Variants in PLCE1 observed in about 807,000 individuals in gnomAD.
PLCE1 encodes 1-phosphatidylinositol 4,5-bisphosphate phosphodiesterase epsilon-1.
Under a neutral mutation model 242.8 loss-of-function variants are expected in PLCE1, and 119 were observed. The ratio of observed to expected loss-of-function variants is 0.49; its 90% CI spans 0.42 to 0.57. The LOEUF (loss-of-function observed/expected upper bound fraction) is 0.57. Ranked by LOEUF, PLCE1 falls within the 20% of genes least tolerant of loss-of-function variation. The pLI, the probability that PLCE1 is intolerant of heterozygous loss-of-function variation, is 0.00. For missense variants in PLCE1, 2,441 were observed against 2,788.8 expected (o/e 0.88, Z 2.81); for synonymous variants, 945 against 1,017.4 (o/e 0.93, Z 1.35).
At chr10:94,199,402 T>C (rs1489498629) in intron 4 of PLCE1, among the ~76,000 whole-genome samples, 1 of 152,204 alleles carries the variant, frequency 6.6e-6, no homozygotes, top group Non-Finnish European at 1.5e-5. Context: ...CAGAAGTCCC[T>C]ACCCTACCAC....
intron 3 of PLCE1, among the ~76,000 whole-genome samples, chr10:94,157,815 G>A (rs1162614820): frequency 3.3e-5 from 5 of 152,174 alleles, no homozygotes; most frequent in Non-Finnish European, 7.3e-5. Flanking sequence ...GAAAACCTTC[G>A]AGTCAGTGTA....
intron 5 of PLCE1, among the ~76,000 whole-genome samples, chr10:94,228,088 G>A (rs2050010145): frequency 6.6e-6 from 1 of 152,258 alleles, no homozygotes; most frequent in African/African-American, 2.4e-5. Flanking sequence ...TGGGAATACA[G>A]GCAACCTTGG....
At chr10:94,262,771 C>T in intron 14 of PLCE1, 39 bp downstream of exon 14, 2 of 1,256,502 alleles carry the variant, frequency 1.6e-6, no homozygotes. Context: ...TGTGTGATGC[C>T]TCTGGCTATT....
At chr10:94,046,223 T>C (rs534125710) in intron 2 of PLCE1, among the ~76,000 whole-genome samples, 1 of 152,356 alleles carries the variant, frequency 6.6e-6, no homozygotes. Flanking sequence ...GGTAGTTCTC[T>C]CTGGTTAATG....
intron 3 of PLCE1, among the ~76,000 whole-genome samples, chr10:94,136,028 C>T (rs2046761495): frequency 6.6e-6 from 1 of 151,886 alleles, no homozygotes; most frequent in African/African-American, 2.4e-5. Context: ...AATTTTTCCC[C>T]AGAGATAAAG....
At chr10:94,141,380 C>T (rs898892520) in intron 3 of PLCE1, among the ~76,000 whole-genome samples, 2 of 152,088 alleles carry the variant, frequency 1.3e-5, no homozygotes, top group African/African-American at 4.8e-5. Flanking sequence ...CCTAATTTTG[C>T]TCCAAGAAAC....
intron 7 of PLCE1, among the ~76,000 whole-genome samples, chr10:94,242,517 G>A (rs906838498): frequency 1.3e-5 from 2 of 152,034 alleles, no homozygotes; most frequent in Admixed American, 6.6e-5. Flanking sequence ...TACCATGTTC[G>A]CCAGGCTGGT....
chr10:94,179,716 G>T (rs1164279477), intron 4 of PLCE1, among the ~76,000 whole-genome samples: 3 of 151,456 alleles, frequency 2.0e-5, no homozygotes, highest in African/African-American at 7.3e-5. Context: ...GTGTTGTCCA[G>T]GCTGGCCTCA....
rs1858607 is a variant in PLCE1 at position 94,179,937 on chromosome 10, A to C, written c.1809+8441A>C. 6.4e-3 allele frequency among the ~76,000 whole-genome samples: 753 copies of C among 117,050 alleles called. 11 individuals are homozygous for C. Among genetic ancestry groups the C allele is most frequent in the African/African-American group, 0.028 (651 of 22,984 alleles). The allele number at this position is 117,050 out of a possible 152,430, so 76.8% of individuals were successfully genotyped here. The stretch of plus-strand genomic sequence containing the variant: ...CAGTAGTGGTTTGATGTTAGTTCCC[A>C]AAAAAAAAAAAAACCACTAACATAA... On this transcript the variant is annotated intron_variant, in intron 4 of 32. Transcript: ENST00000371380.
chr10:94,220,326 T>C (rs564803194), intron 4 of PLCE1, among the ~76,000 whole-genome samples: 1 of 140,084 alleles, frequency 7.1e-6, no homozygotes, highest in Non-Finnish European at 1.5e-5. Context: ...CTGGGCAACA[T>C]AGAGAGACTC....
At position 94,255,015 on chromosome 10, in the gene PLCE1, C is replaced by G. The variant is rs1387669948; in HGVS notation, c.3520C>G (p.Pro1174Ala). ...ATCTCCCATCAGGCCAGTGTCCTCC[C>G]CTGTGCTGTCTTCTTCAAACAAGAG... ...TSSPIRPVSS[P>A]VLSSSNKSPS... is the part of the protein sequence containing the mutation. The change falls in exon 11 of 33, where the codon CCT (proline) becomes GCT (alanine). Residue 1174 changes from proline (P) to alanine (A), a missense_variant. Pro to Ala is a conservative substitution (Grantham distance 27). This residue lies in a region of PLCE1 where 1,004 missense variants were observed against 1,322.7 expected (regional missense o/e 0.76). Transcript: ENST00000371380. 6.2e-7 allele frequency: 1 copy of G among 1,614,154 alleles called. No homozygotes were observed. The highest frequency in any genetic ancestry group is 2.2e-5 in the East Asian group (1 of 44,874).
chr10:94,199,288 C>T (rs1327970462), intron 4 of PLCE1, among the ~76,000 whole-genome samples: 1 of 152,172 alleles, frequency 6.6e-6, no homozygotes, highest in African/African-American at 2.4e-5. Flanking sequence ...TGCGAAGTGG[C>T]TGTATCATTT....
At chr10:94,188,639 CTTG>C (rs1465008906) in intron 4 of PLCE1, among the ~76,000 whole-genome samples, 3 of 152,172 alleles carry the variant, frequency 2.0e-5, no homozygotes, top group African/African-American at 7.2e-5. Flanking sequence ...GAGCTTCGCT[CTTG>C]TTGTCCAGGC....
chr10:94,281,091 C>A (rs2052196568), intron 20 of PLCE1, among the ~76,000 whole-genome samples: 1 of 152,194 alleles, frequency 6.6e-6, no homozygotes. Flanking sequence ...AAGACAATTT[C>A]TCTGCAAAGT....
At chr10:94,233,007 A>G (rs2050196079) in intron 5 of PLCE1, among the ~76,000 whole-genome samples, 2 of 152,140 alleles carry the variant, frequency 1.3e-5, no homozygotes, top group African/African-American at 4.8e-5. Context: ...CAGAAAGGTG[A>G]GCTCTCCCAC....
chr10:94,049,750 G>A (rs1589918242), intron 2 of PLCE1, among the ~76,000 whole-genome samples: 1 of 152,236 alleles, frequency 6.6e-6, no homozygotes, highest in East Asian at 1.9e-4. Context: ...TAGCACCCCA[G>A]AAGCCTTTGT....
intron 29 of PLCE1, among the ~76,000 whole-genome samples, chr10:94,319,241 G>A (rs1271972487): frequency 6.6e-6 from 1 of 152,106 alleles, no homozygotes; most frequent in African/African-American, 2.4e-5. Context: ...TGAAATGACT[G>A]AAATATATCT....
intron 1 of PLCE1, among the ~76,000 whole-genome samples, chr10:94,027,640 T>C (rs113599996): frequency 6.6e-6 from 1 of 151,988 alleles, no homozygotes; most frequent in Non-Finnish European, 1.5e-5. Context: ...GCTAACATGG[T>C]GAAACCCCGT....
In PLCE1 at chr10:94,223,964, T is replaced by G. The variant is rs533039614; in HGVS notation, c.1810-3342T>G. On this transcript the variant is annotated intron_variant, in intron 4 of 32. Transcript: ENST00000371380. Reference sequence around the variant, plus strand: ...CATTTTGACATTTGTCACTGAATCTTCATTTCCTTTTTGTGTCATTTATTA... The same window carrying G: ...CATTTTGACATTTGTCACTGAATCTGCATTTCCTTTTTGTGTCATTTATTA... Among the ~76,000 whole-genome samples the G allele has an allele frequency of 3.3e-5, 5 of 152,346 alleles. No individual in the cohort carries two copies. The East Asian group carries it at 7.7e-4, about 23-fold the overall frequency.
Sources: gnomAD v4.1 joint callset for allele counts (sites outside exome capture counted in the v4.1 genomes callset) on GRCh38, gnomAD v4.1.1 for gene constraint, gnomAD v4.1.1 regional missense constraint, MANE v1.5 for transcripts, NCBI Gene and HGNC (gene_info 2026-07-23, HGNC 2026-07-21) for gene names.